The following OPCML variants were observed in gnomAD, a reference collection of about 807,000 sequenced individuals.
The protein encoded by OPCML is opioid binding protein/cell adhesion molecule like.
Under a neutral mutation model 37.8 loss-of-function variants are expected in OPCML, and 13 were observed. The observed-to-expected ratio is 0.34, with a 90% CI of 0.22 to 0.55. The LOEUF (loss-of-function observed/expected upper bound fraction) is 0.55, where lower values mean the gene tolerates loss of function less well. Ranked by LOEUF, OPCML falls within the 20% of genes least tolerant of loss-of-function variation. The probability of loss-of-function intolerance (pLI) is 0.91; values close to 1 mark genes in which losing one functional copy is unlikely to be tolerated. For missense variants in OPCML, 341 were observed against 435.6 expected (o/e 0.78, Z 1.93); for synonymous variants, 176 against 168.8 (o/e 1.04, Z -0.33).
At chr11:133,407,058 C>T (rs1055367410) in intron 1 of OPCML, among the ~76,000 whole-genome samples, 4 of 152,152 alleles carry the variant, frequency 2.6e-5, no homozygotes, top group African/African-American at 4.8e-5. Context: ...AACCTTTATT[C>T]GCCTTTGAAC....
At chr11:132,645,891 A>C (rs2135735586) in intron 3 of OPCML, among the ~76,000 whole-genome samples, 1 of 152,370 alleles carries the variant, frequency 6.6e-6, no homozygotes, top group South Asian at 2.1e-4. Context: ...GTCATCGCGG[A>C]AAGGTCTATT....
chr11:133,101,478 C>T (rs1463270139), intron 1 of OPCML, among the ~76,000 whole-genome samples: 1 of 152,158 alleles, frequency 6.6e-6, no homozygotes, highest in African/African-American at 2.4e-5. Flanking sequence ...TGCACAGCAT[C>T]ATCATATGCC....
intron 3 of OPCML, among the ~76,000 whole-genome samples, chr11:132,618,877 T>G (rs1351659605): frequency 6.6e-6 from 1 of 151,700 alleles, no homozygotes; most frequent in Admixed American, 6.6e-5. Flanking sequence ...CTTGACCAAG[T>G]CCAATTGCCC....
At chr11:132,484,147 G>A (rs1412340145) in intron 4 of OPCML, among the ~76,000 whole-genome samples, 11 of 150,952 alleles carry the variant, frequency 7.3e-5, no homozygotes, top group African/African-American at 1.9e-4. Flanking sequence ...AGAATGGGAG[G>A]AAATTTTTGC....
At chr11:133,472,391 G>A (rs1028214795) in intron 1 of OPCML, among the ~76,000 whole-genome samples, 6 of 152,172 alleles carry the variant, frequency 3.9e-5, no homozygotes, top group African/African-American at 1.2e-4. Context: ...GCACAAGAAA[G>A]TCCTGACGGT....
At chr11:133,460,877 T>C (rs1160057004) in intron 1 of OPCML, among the ~76,000 whole-genome samples, 2 of 151,906 alleles carry the variant, frequency 1.3e-5, no homozygotes, top group Non-Finnish European at 2.9e-5. Flanking sequence ...GGTTATACAC[T>C]GTGACAAAAT....
chr11:132,631,453 T>A (rs1940115213), intron 3 of OPCML, among the ~76,000 whole-genome samples: 1 of 148,466 alleles, frequency 6.7e-6, no homozygotes, highest in South Asian at 2.1e-4. Flanking sequence ...CATACATATG[T>A]ATATATATAT....
chr11:133,197,920 G>A (rs1227525222), intron 1 of OPCML, among the ~76,000 whole-genome samples: 5 of 152,118 alleles, frequency 3.3e-5, no homozygotes, highest in African/African-American at 1.2e-4. Context: ...AAGGCACATG[G>A]CAGACACTAA....
chr11:132,486,134 G>T (rs1224429861), intron 4 of OPCML, among the ~76,000 whole-genome samples: 1 of 152,114 alleles, frequency 6.6e-6, no homozygotes, highest in Non-Finnish European at 1.5e-5. Context: ...ATAAAAGCTT[G>T]GTCCTCAAAT....
intron 1 of OPCML, among the ~76,000 whole-genome samples, chr11:133,302,838 A>G (rs1942813597): frequency 6.6e-6 from 1 of 152,206 alleles, no homozygotes; most frequent in African/African-American, 2.4e-5. Context: ...CACAATTTAA[A>G]GAGATGTTAC....
intron 2 of OPCML, among the ~76,000 whole-genome samples, chr11:132,827,630 G>A (rs1401253229): frequency 6.6e-6 from 1 of 152,096 alleles, no homozygotes; most frequent in African/African-American, 2.4e-5. Flanking sequence ...TGTTGTTGTT[G>A]TTTTTGTTGT....
At chr11:132,493,637 A>G (rs1165056397) in intron 4 of OPCML, among the ~76,000 whole-genome samples, 2 of 152,182 alleles carry the variant, frequency 1.3e-5, no homozygotes, top group Non-Finnish European at 2.9e-5. Flanking sequence ...GTTCCCAAAA[A>G]AGGAGAAGGG....
intron 1 of OPCML, among the ~76,000 whole-genome samples, chr11:133,256,634 T>C (rs1174156180): frequency 6.6e-6 from 1 of 152,312 alleles, no homozygotes; most frequent in South Asian, 2.1e-4. Flanking sequence ...TTTATTACAA[T>C]TTAGTGTAGA....
At chr11:132,592,866 T>G (rs533903095) in intron 3 of OPCML, among the ~76,000 whole-genome samples, 1 of 152,202 alleles carries the variant, frequency 6.6e-6, no homozygotes, top group East Asian at 1.9e-4. Flanking sequence ...ACAAAATAAT[T>G]GCTCATTTAT....
chr11:133,004,159 G>C (rs1019537265), intron 1 of OPCML: 173 of 985,244 alleles, frequency 1.8e-4, no homozygotes, highest in Non-Finnish European at 2.0e-4. Context: ...CCAGAGAGTG[G>C]GTCTCACTCC....
At chr11:132,581,714 G>C (rs538577375) in intron 3 of OPCML, among the ~76,000 whole-genome samples, 309 of 152,208 alleles carry the variant, frequency 2.0e-3, no homozygotes, top group African/African-American at 7.0e-3. Flanking sequence ...CTTTTAGGTA[G>C]AGAAAACTTT....
intron 4 of OPCML, among the ~76,000 whole-genome samples, chr11:132,477,443 C>G (rs990695324): frequency 6.6e-6 from 1 of 152,178 alleles, no homozygotes. Flanking sequence ...GGTTATCAGT[C>G]CAGCCGAACT....
At position 133,011,957 on chromosome 11, in the gene OPCML, A is replaced by G. The variant is rs113186725; in HGVS notation, c.62-68947T>C. Among the ~76,000 whole-genome samples, 1,341 of 152,334 alleles carry G rather than the reference A, an allele frequency of 8.8e-3. 13 individuals are homozygous for G. Among genetic ancestry groups the G allele is most frequent in the Middle Eastern group, 0.031 (9 of 294 alleles). The stretch of plus-strand genomic sequence containing the variant: ...ACAGCCACAGACAGTTTGTAAACAA[A>G]TAAATATAGCTATGTTCTGTTATAG... On this transcript the variant is annotated intron_variant, in intron 1 of 7. Transcript: ENST00000524381.
At chr11:132,440,513 C>T (rs1473053205) in intron 4 of OPCML, among the ~76,000 whole-genome samples, 1 of 152,046 alleles carries the variant, frequency 6.6e-6, no homozygotes, top group African/African-American at 2.4e-5. Flanking sequence ...CACCCACACA[C>T]GTGAAGTCTT....
Sources: gnomAD v4.1 joint callset for allele counts (sites outside exome capture counted in the v4.1 genomes callset) on GRCh38, gnomAD v4.1.1 for gene constraint, MANE v1.5 for transcripts, NCBI Gene and HGNC (gene_info 2026-07-23, HGNC 2026-07-21) for gene names.